Variants in AOPEP observed in about 807,000 individuals in gnomAD.
AOPEP encodes the protein aminopeptidase O.
In AOPEP, 77 loss-of-function variants were observed where a neutral mutation model predicts 98.1. The ratio of observed to expected loss-of-function variants is 0.78; its 90% CI spans 0.65 to 0.95. AOPEP has a LOEUF of 0.95. Ranked by LOEUF, AOPEP falls within the 40% of genes least tolerant of loss-of-function variation. The probability of loss-of-function intolerance (pLI) is 0.00; values close to 1 mark genes in which losing one functional copy is unlikely to be tolerated. For synonymous variants in AOPEP, 346 were observed against 365.3 expected (o/e 0.95, Z 0.60); for missense variants, 1,024 against 1,024.7 (o/e 1.00, Z 0.01).
At chr9:94,963,111 AATTTC>A (rs1489243063) in intron 9 of AOPEP, among the ~76,000 whole-genome samples, 7 of 152,120 alleles carry the variant, frequency 4.6e-5, no homozygotes, top group Non-Finnish European at 1.0e-4. Flanking sequence ...TCTTCCTGAC[AATTTC>A]ATTTCTTCTC....
At chr9:95,126,598 C>A in the AOPEP span, 1 of 1,613,480 alleles carries the variant, frequency 6.2e-7, no homozygotes, top group Non-Finnish European at 8.5e-7. Context: ...AAGGAGAAGA[C>A]CATGAGAATG....
intron 3 of AOPEP, among the ~76,000 whole-genome samples, chr9:94,784,905 C>T (rs2133251889): frequency 6.6e-6 from 1 of 152,184 alleles, no homozygotes; most frequent in South Asian, 2.1e-4. Context: ...GCGTGAGTCA[C>T]TGTGCCTGGC....
At chr9:94,827,274 A>G (rs575453719) in intron 5 of AOPEP, among the ~76,000 whole-genome samples, 24 of 152,172 alleles carry the variant, frequency 1.6e-4, no homozygotes, top group Admixed American at 9.8e-4. Flanking sequence ...CACATATTAA[A>G]TCAGTAAATC....
Position 94,930,732 on chromosome 9 carries a change from G to A in AOPEP, c.1661+2201G>A, listed in dbSNP as rs2055152413. The stretch of plus-strand genomic sequence containing the variant: ...ATGAAGAGGGGCGAAAGAGAGAGAA[G>A]TGGGACTACATGGGTGATGGAGAAG... On this transcript the variant is annotated intron_variant, in intron 7 of 16. Transcript: ENST00000375315. The surrounding 1 kb of genome is among the most constrained non-coding windows in gnomAD (Gnocchi z 4.5). Among the ~76,000 whole-genome samples the A allele has an allele frequency of 6.6e-6, 1 of 152,140 alleles. No individual in the cohort carries two copies. The highest frequency in any genetic ancestry group is 2.4e-5 in the African/African-American group (1 of 41,438).
chr9:94,903,859 A>AC (rs1441220349), intron 5 of AOPEP, among the ~76,000 whole-genome samples: 7 of 131,404 alleles, frequency 5.3e-5, no homozygotes, highest in Admixed American at 1.8e-4. Context: ...GCTCCATTGC[A>AC]CTCCAGCATG....
At chr9:94,817,859 A>G (rs933615312) in intron 5 of AOPEP, among the ~76,000 whole-genome samples, 44 of 152,184 alleles carry the variant, frequency 2.9e-4, no homozygotes, top group African/African-American at 1.0e-3. Context: ...AAATCTCAGG[A>G]GCTGAGTTTA....
At chr9:94,766,324 G>T (rs1839596244) in intron 2 of AOPEP, among the ~76,000 whole-genome samples, 1 of 152,158 alleles carries the variant, frequency 6.6e-6, no homozygotes, top group South Asian at 2.1e-4. Flanking sequence ...GAATCACAAG[G>T]TCAGGAGATC....
At chr9:94,928,383 T>A in intron 6 of AOPEP, 42 bp from the exon 7 acceptor site, 1 of 1,395,942 alleles carries the variant, frequency 7.2e-7, no homozygotes, top group Admixed American at 2.0e-5. Context: ...CAACAGTGAC[T>A]GTGTTTTGTG....
At chr9:94,796,515 A>G (rs356132) in intron 4 of AOPEP, among the ~76,000 whole-genome samples, 6,149 of 152,244 alleles carry the variant, frequency 0.04, 162 homozygotes, top group Admixed American at 0.072. Context: ...CTTCCCCAGC[A>G]CCCGTTCTAC....
chr9:95,105,053 C>T, the AOPEP span, among the ~76,000 whole-genome samples: 1 of 152,238 alleles, frequency 6.6e-6, no homozygotes, highest in Non-Finnish European at 1.5e-5. Context: ...CGAAAGCATT[C>T]TCGCTGTGCT....
chr9:94,762,720 T>TAA (rs759495842), intron 2 of AOPEP, among the ~76,000 whole-genome samples: 3 of 152,204 alleles, frequency 2.0e-5, no homozygotes, highest in Admixed American at 6.5e-5. Context: ...GGTGGGGAGT[T>TAA]TTATTTACAG....
chr9:94,877,757 ATTAC>A (rs1418304897), intron 5 of AOPEP, among the ~76,000 whole-genome samples: 1 of 152,112 alleles, frequency 6.6e-6, no homozygotes, highest in Non-Finnish European at 1.5e-5. Flanking sequence ...TATACAAGCA[ATTAC>A]TTGTATCCAT....
At chr9:94,759,509 A>T (rs1282954473) in intron 1 of AOPEP, 140 bp from the exon 2 acceptor site, 5 of 367,910 alleles carry the variant, frequency 1.4e-5, no homozygotes, top group Non-Finnish European at 2.0e-5. Context: ...AGTAGAAAAG[A>T]TAAGTCAGCC....
chr9:94,761,220 G>A (rs933355136), intron 2 of AOPEP, among the ~76,000 whole-genome samples: 1 of 152,176 alleles, frequency 6.6e-6, no homozygotes, highest in African/African-American at 2.4e-5. Context: ...CAGAAAGACC[G>A]CTGGGTTTTC....
At position 94,759,930 on chromosome 9, in the gene AOPEP, T is replaced by C. The variant is rs553785318; in HGVS notation, c.147T>C (p.Asp49=). 14 of 1,614,028 alleles carry C rather than the reference T, an allele frequency of 8.7e-6. 1 individual carries two copies. The South Asian group carries it at 1.1e-4, about 13-fold the overall frequency. ...GGACCATAGTGCTTTTCCTCGAGGA[T>C]GGAAACAGATTCAAGAAACAGAATA... ...IEGTIVLFLE[D]GNRFKKQNSS... The change falls in exon 2 of 17, where the codon GAT becomes GAC. Residue 49 remains aspartate (D), a synonymous_variant. Coordinates refer to ENST00000375315, the MANE Select transcript of AOPEP (RefSeq NM_001193329.3).
At chr9:95,111,214 G>A in the AOPEP span, 2 of 1,536,432 alleles carry the variant, frequency 1.3e-6, no homozygotes, top group Middle Eastern at 1.7e-4. Context: ...CCTTGGGGAA[G>A]AAGGGTCTTC....
intron 5 of AOPEP, among the ~76,000 whole-genome samples, chr9:94,842,361 A>T (rs960792458): frequency 2.6e-5 from 4 of 152,204 alleles, no homozygotes; most frequent in Non-Finnish European, 4.4e-5. Flanking sequence ...ACTCCGTCTT[A>T]CAAAAAAAGA....
intron 3 of AOPEP, among the ~76,000 whole-genome samples, chr9:94,781,197 A>AT (rs1843160434): frequency 6.6e-6 from 1 of 151,876 alleles, no homozygotes; most frequent in Non-Finnish European, 1.5e-5. Context: ...GCATAATGTG[A>AT]TTTGGGCAGA....
the AOPEP span, chr9:95,111,505 G>C: frequency 6.2e-7 from 1 of 1,614,026 alleles, no homozygotes; most frequent in Admixed American, 1.7e-5. Flanking sequence ...GGGGGCCGTA[G>C]TAGAAGGCCA....
Sources: allele counts gnomAD v4.1 joint callset (sites outside exome capture counted in the v4.1 genomes callset), GRCh38; gene constraint gnomAD v4.1.1; non-coding constraint Gnocchi (gnomAD v3.1); transcripts MANE v1.5; gene names NCBI Gene and HGNC (gene_info 2026-07-23, HGNC 2026-07-21).